Variants in CFAP54 observed in about 807,000 individuals in gnomAD.
CFAP54 encodes the protein cilia and flagella associated protein 54, also known as cilia- and flagella-associated protein 54.
CFAP54 carries 290 observed loss-of-function variants against 370.4 expected under a neutral mutation model. The ratio of observed to expected loss-of-function variants is 0.78; its 90% CI spans 0.71 to 0.86. The LOEUF (loss-of-function observed/expected upper bound fraction) is 0.86, where lower values mean the gene tolerates loss of function less well. CFAP54 is among the 40% of genes least tolerant of loss of function. CFAP54 has a pLI of 0.00. For synonymous variants in CFAP54, 1,206 were observed against 1,236.5 expected, an observed-to-expected ratio of 0.98 and a Z score of 0.52; for missense variants, 3,399 against 3,528.7, an observed-to-expected ratio of 0.96 and a Z score of 0.93.
At chr12:96,656,447 G>A (rs1294114807) in intron 36 of CFAP54, among the ~76,000 whole-genome samples, 1 of 151,850 alleles carries the variant, frequency 6.6e-6, no homozygotes, top group African/African-American at 2.4e-5. Flanking sequence ...GCACAATCTC[G>A]ACTCACCACA....
At position 96,644,334 on chromosome 12, in the gene CFAP54, A is replaced by G. The variant is rs1202353059; in HGVS notation, c.4473A>G (p.Ala1491=). 3 of 1,536,036 alleles carry G rather than the reference A, an allele frequency of 2.0e-6. No homozygotes were observed. In the East Asian group the frequency reaches 7.3e-5, roughly 38 times the overall value. ...RAQMNLYLAG[A]HFNLVLQKLW... ...AGATGAACCTGTATCTAGCAGGTGC[A>G]CACTTTAACCTGGTTTTACAAAAGC... Residue 1491 remains alanine, a synonymous_variant, in exon 33 of 68, where the codon GCA becomes GCG. Transcript: ENST00000524981.
At chr12:96,499,982 C>CAAAACAAAACA (rs374958401) in intron 1 of CFAP54, among the ~76,000 whole-genome samples, 6 of 146,554 alleles carry the variant, frequency 4.1e-5, no homozygotes, top group African/African-American at 1.5e-4. Context: ...CAAAACAAAA[C>CAAAACAAAACA]AAAAAAAACC....
chr12:96,668,252 G>C (rs772768446), intron 39 of CFAP54, among the ~76,000 whole-genome samples: 3 of 152,128 alleles, frequency 2.0e-5, no homozygotes, highest in Non-Finnish European at 4.4e-5. Context: ...TTCCATAGTT[G>C]ATTTCACATT....
At chr12:96,800,445 T>G (rs1433246647) in intron 63 of CFAP54, among the ~76,000 whole-genome samples, 1 of 152,192 alleles carries the variant, frequency 6.6e-6, no homozygotes, top group Non-Finnish European at 1.5e-5. Context: ...ATTTTTCCAT[T>G]TTTTAGTTTG....
intron 33 of CFAP54, chr12:96,645,041 GA>G: frequency 7.6e-6 from 3 of 394,606 alleles, no homozygotes; most frequent in Non-Finnish European, 1.5e-5. Flanking sequence ...AGTTTAATAT[GA>G]ATTATAGAAT....
rs572256904 is a variant in CFAP54, at chr12:96,544,171, A to G, written c.2077+3184A>G. 2.6e-3 allele frequency among the ~76,000 whole-genome samples: 377 copies of G among 145,042 alleles called. 1 individual carries two copies. Among genetic ancestry groups the G allele is most frequent in the African/African-American group, 9.5e-3 (361 of 37,912 alleles). ...CCATCAATGAACACATATATTTTGTATGTTTTATATATATATATAAATAAT... is the reference window on the plus strand; with the variant it reads ...CCATCAATGAACACATATATTTTGTGTGTTTTATATATATATATAAATAAT... On this transcript the variant is annotated intron_variant, in intron 14 of 67. Coordinates refer to ENST00000524981, the MANE Select transcript of CFAP54 (RefSeq NM_001306084.2).
chr12:96,545,609 G>A (rs914658906), intron 14 of CFAP54, among the ~76,000 whole-genome samples: 7 of 152,190 alleles, frequency 4.6e-5, no homozygotes, highest in African/African-American at 1.2e-4. Flanking sequence ...GAGAGCCTCC[G>A]TGACCCAGTC....
intron 39 of CFAP54, among the ~76,000 whole-genome samples, chr12:96,664,715 CTATA>C (rs376299898): frequency 3.0e-5 from 2 of 66,748 alleles, no homozygotes; most frequent in East Asian, 5.7e-4. Flanking sequence ...ATATATATAT[CTATA>C]TATATCTATA....
At chr12:96,646,637 A>G (rs1452872157) in intron 33 of CFAP54, 2 of 152,226 alleles carry the variant, frequency 1.3e-5, no homozygotes, top group African/African-American at 2.4e-5. Context: ...ATGCTGCTAT[A>G]AAGACACATG....
intron 19 of CFAP54, among the ~76,000 whole-genome samples, chr12:96,573,268 C>T (rs532868050): frequency 1.1e-3 from 161 of 152,230 alleles, no homozygotes; most frequent in Non-Finnish European, 2.1e-3. Context: ...GCCTGTGATG[C>T]GAATGAAGAT....
chr12:96,685,634 C>T (rs929451566), intron 42 of CFAP54, among the ~76,000 whole-genome samples: 1 of 152,044 alleles, frequency 6.6e-6, no homozygotes, highest in Non-Finnish European at 1.5e-5. Context: ...TCACTGCAAC[C>T]TCCGTCTCCT....
rs1395510252 is a variant in CFAP54, at chr12:96,511,449, G to A, written c.740-1537G>A. Among the ~76,000 whole-genome samples, 26 of 152,186 alleles carry A rather than the reference G, an allele frequency of 1.7e-4. 1 individual carries two copies. Among genetic ancestry groups the A allele is most frequent in the Admixed American group, 1.7e-3 (26 of 15,282 alleles). ...TTCTCCTGCCTCAGCCTCCTGAGTA[G>A]CTGGGATTACAGGTGCATACCATCA... On this transcript the variant is annotated intron_variant, in intron 4 of 67. Transcript: ENST00000524981.
chr12:96,577,393 C>G lies in CFAP54; in HGVS notation c.2796+632C>G, dbSNP rs1266336117. On this transcript the variant is annotated intron_variant, in intron 20 of 67. Transcript: ENST00000524981. Reference sequence around the variant, plus strand: ...TTTCTTCACAAGAATTTGGTTCTACCTAATTTATATTTTACAAACTACACT... The same window carrying G: ...TTTCTTCACAAGAATTTGGTTCTACGTAATTTATATTTTACAAACTACACT... Among the ~76,000 whole-genome samples the G allele has an allele frequency of 2.6e-5, 4 of 152,118 alleles. No homozygotes were observed. In the South Asian group the frequency reaches 8.3e-4, roughly 32 times the overall value.
rs756853282 is a variant in CFAP54, at chr12:96,708,823, CTTAT to C, written c.6724+23_6724+26del. The C allele has an allele frequency of 7.0e-6, 11 of 1,570,244 alleles. No homozygotes were observed. Among genetic ancestry groups the C allele is most frequent in the Non-Finnish European group, 9.5e-6 (11 of 1,153,630 alleles). Reference sequence around the variant, plus strand: ...TGGAAGGTAATTGTTTTATTTTTTGCTTATTTCTCTTTCTCCTCCCTTTCCCTAA... The same window carrying C: ...TGGAAGGTAATTGTTTTATTTTTTGCTTCTCTTTCTCCTCCCTTTCCCTAA... On this transcript the variant is annotated intron_variant, in intron 48 of 67. Coordinates refer to ENST00000524981, the MANE Select transcript of CFAP54 (RefSeq NM_001306084.2).
At chr12:96,520,844 A>T (rs916409123) in intron 6 of CFAP54, among the ~76,000 whole-genome samples, 5 of 152,218 alleles carry the variant, frequency 3.3e-5, no homozygotes, top group Non-Finnish European at 7.3e-5. Flanking sequence ...TAAATAAATC[A>T]TCTGGCCAAT....
rs904168286 is a variant in CFAP54 at position 96,727,394 on chromosome 12, C to A, written c.6965+6829C>A. Reference sequence around the variant, plus strand: ...GTGCATATATATTTAGGATAGTTAGCGCTTCTTGTTGAATTGATCCCTTTA... The same window carrying A: ...GTGCATATATATTTAGGATAGTTAGAGCTTCTTGTTGAATTGATCCCTTTA... On this transcript the variant is annotated intron_variant, in intron 50 of 67. Coordinates refer to ENST00000524981, the MANE Select transcript of CFAP54 (RefSeq NM_001306084.2). 8.8e-5 allele frequency among the ~76,000 whole-genome samples: 13 copies of A among 148,538 alleles called. 1 individual carries two copies. The East Asian group carries it at 2.1e-3, about 24-fold the overall frequency.
chr12:96,813,756 G>C (rs190086621), intron 64 of CFAP54, among the ~76,000 whole-genome samples: 5 of 152,328 alleles, frequency 3.3e-5, no homozygotes, highest in Admixed American at 3.3e-4. Context: ...GACCCTGGGA[G>C]AGAGTGCCTA....
chr12:96,677,683 A>G (rs10777804), intron 39 of CFAP54, among the ~76,000 whole-genome samples: 136,593 of 152,182 alleles, frequency 0.9, 61,539 homozygotes, highest in African/African-American at 0.96. Context: ...GTTCACAAGA[A>G]CCACTTTGGC....
At chr12:96,646,463 G>T (rs933481006) in intron 33 of CFAP54, 3 of 152,180 alleles carry the variant, frequency 2.0e-5, no homozygotes, top group African/African-American at 7.2e-5. Context: ...TGCTGGAGAG[G>T]ATGTGGAGAA....
Sources: allele counts gnomAD v4.1 joint callset (sites outside exome capture counted in the v4.1 genomes callset), GRCh38; gene constraint gnomAD v4.1.1; transcripts MANE v1.5; gene names NCBI Gene and HGNC (gene_info 2026-07-23, HGNC 2026-07-21).